The following FANCC variants were observed in gnomAD, a reference collection of about 807,000 sequenced individuals.
The protein encoded by FANCC is Fanconi anemia group C protein.
A neutral mutation model predicts 71.3 loss-of-function variants in FANCC; 55 were observed. The observed-to-expected ratio is 0.77, with a 90% CI of 0.62 to 0.97. FANCC has a LOEUF of 0.97. Among genes scored for constraint, FANCC ranks in the 50% least tolerant of loss-of-function variants. The pLI, the probability that FANCC is intolerant of heterozygous loss-of-function variation, is 0.00. For synonymous variants in FANCC, 275 were observed against 244.9 expected, an observed-to-expected ratio of 1.12 and a Z score of -1.15; for missense variants, 678 against 670.9, an observed-to-expected ratio of 1.01 and a Z score of -0.12.
At chr9:95,222,927 T>G (rs1344364578) in intron 4 of FANCC, among the ~76,000 whole-genome samples, 1 of 152,232 alleles carries the variant, frequency 6.6e-6, no homozygotes, top group African/African-American at 2.4e-5. Context: ...CCATACAATA[T>G]TTCATCAAGT....
intron 4 of FANCC, among the ~76,000 whole-genome samples, chr9:95,216,743 G>A (rs1167466157): frequency 6.6e-6 from 1 of 152,116 alleles, no homozygotes; most frequent in Non-Finnish European, 1.5e-5. Context: ...TATTTATCTA[G>A]GACTCTCTGC....
At chr9:95,298,476 C>T (rs1245885274) in intron 1 of FANCC, among the ~76,000 whole-genome samples, 1 of 152,110 alleles carries the variant, frequency 6.6e-6, no homozygotes, top group East Asian at 1.9e-4. Context: ...GATGTAGAAA[C>T]ATCAACAGAG....
intron 14 of FANCC, among the ~76,000 whole-genome samples, chr9:95,105,633 G>C (rs1027536552): frequency 2.0e-5 from 3 of 152,052 alleles, no homozygotes; most frequent in Non-Finnish European, 4.4e-5. Flanking sequence ...CCCTTTCCAT[G>C]ATCCCCACAC....
At chr9:95,227,634 C>A (rs1829704201) in intron 4 of FANCC, among the ~76,000 whole-genome samples, 1 of 152,186 alleles carries the variant, frequency 6.6e-6, no homozygotes, top group Non-Finnish European at 1.5e-5. Flanking sequence ...AACAAAGAAG[C>A]CACCATCTGA....
At chr9:95,239,235 C>T (rs1463208345) in intron 4 of FANCC, among the ~76,000 whole-genome samples, 1 of 152,208 alleles carries the variant, frequency 6.6e-6, no homozygotes, top group African/African-American at 2.4e-5. Flanking sequence ...TTAGCAATAA[C>T]TCAACCACGC....
At chr9:95,278,794 A>ATTAAACGAGCATAAGTCTGAAAC (rs141077292) in intron 1 of FANCC, among the ~76,000 whole-genome samples, 5 of 151,730 alleles carry the variant, frequency 3.3e-5, no homozygotes, top group Non-Finnish European at 5.9e-5. Flanking sequence ...TATCACGGTA[A>ATTAAACGAGCATAAGTCTGAAAC]TTATTCTACG....
chr9:95,164,315 T>C (rs988635070), intron 6 of FANCC, among the ~76,000 whole-genome samples: 1 of 152,204 alleles, frequency 6.6e-6, no homozygotes, highest in Non-Finnish European at 1.5e-5. Context: ...GACAAGGACT[T>C]CTGATACTAT....
intron 12 of FANCC, 48 bp from the exon 13 acceptor site, chr9:95,111,685 T>C: frequency 1.2e-6 from 2 of 1,611,672 alleles, no homozygotes; most frequent in South Asian, 1.1e-5. Context: ...AAATTCTTCT[T>C]CCTTTGGGTT....
intron 4 of FANCC, among the ~76,000 whole-genome samples, chr9:95,234,872 T>C (rs1300970398): frequency 6.6e-6 from 1 of 152,154 alleles, no homozygotes; most frequent in Non-Finnish European, 1.5e-5. Flanking sequence ...AAGGACAATG[T>C]CTCAGTTTAA....
intron 1 of FANCC, among the ~76,000 whole-genome samples, chr9:95,285,692 G>A (rs765981279): frequency 1.3e-4 from 19 of 151,968 alleles, no homozygotes; most frequent in Non-Finnish European, 2.2e-4. Context: ...AAAATTCCCA[G>A]TACTGGCAAG....
intron 14 of FANCC, among the ~76,000 whole-genome samples, chr9:95,105,050 A>G (rs1467363480): frequency 6.6e-6 from 1 of 152,220 alleles, no homozygotes. Flanking sequence ...TCTCGAAAGC[A>G]TTCTCGCTGT....
intron 4 of FANCC, among the ~76,000 whole-genome samples, chr9:95,219,037 T>C (rs1364241791): frequency 6.6e-6 from 1 of 152,196 alleles, no homozygotes; most frequent in Non-Finnish European, 1.5e-5. Context: ...TTCTCCCTCA[T>C]TACAGAGAAA....
rs1312721197 is a variant in FANCC, at chr9:95,099,330, T to G, written c.*2377A>C. On this transcript the variant is annotated 3_prime_UTR_variant, in exon 15 of 15. Transcript: ENST00000289081. ...CCTGTCGCACCTCTGAAGACCTTGGTCCAGTTCCTTCCAGGGTGGCTTCAC... is the reference window on the plus strand; with the variant it reads ...CCTGTCGCACCTCTGAAGACCTTGGGCCAGTTCCTTCCAGGGTGGCTTCAC... The G allele has an allele frequency of 4.4e-6, 1 of 226,734 alleles. No individual in the cohort carries two copies. The highest frequency in any genetic ancestry group is 8.8e-6 in the Non-Finnish European group (1 of 114,218). The allele number at this position is 226,734 out of a possible 1,614,324, so 14.0% of individuals were successfully genotyped here. A position where few individuals can be genotyped will look rare whatever the true frequency, so the allele number is the denominator to read the frequency against.
At chr9:95,261,616 C>G (rs1296085453) in intron 1 of FANCC, among the ~76,000 whole-genome samples, 1 of 152,128 alleles carries the variant, frequency 6.6e-6, no homozygotes, top group Non-Finnish European at 1.5e-5. Context: ...TTACCCAGTC[C>G]CTAAGGAATC....
intron 3 of FANCC, among the ~76,000 whole-genome samples, chr9:95,241,550 C>A (rs1423494698): frequency 6.6e-6 from 1 of 152,146 alleles, no homozygotes; most frequent in Non-Finnish European, 1.5e-5. Context: ...AGTACCCGAG[C>A]TAGGGCAAAG....
intron 1 of FANCC, chr9:95,294,068 C>T: frequency 6.2e-7 from 1 of 1,609,978 alleles, no homozygotes; most frequent in Non-Finnish European, 8.5e-7. Flanking sequence ...ATGCTTCCTT[C>T]ACAGAACATG....
intron 4 of FANCC, among the ~76,000 whole-genome samples, chr9:95,225,065 C>A (rs1829527865): frequency 6.6e-6 from 1 of 152,128 alleles, no homozygotes; most frequent in Admixed American, 6.5e-5. Context: ...GTATAATAAT[C>A]TCTAGGTCAA....
intron 4 of FANCC, among the ~76,000 whole-genome samples, chr9:95,230,472 G>A (rs1321433160): frequency 9.9e-5 from 15 of 152,034 alleles, no homozygotes; most frequent in South Asian, 2.1e-4. Context: ...GTGGGTTCTC[G>A]GTCTCGCTGA....
chr9:95,258,663 C>G (rs1831822430), intron 1 of FANCC, among the ~76,000 whole-genome samples: 1 of 152,174 alleles, frequency 6.6e-6, no homozygotes, highest in South Asian at 2.1e-4. Flanking sequence ...CACTCCTGTT[C>G]AACATAGTAT....
Sources: allele counts gnomAD v4.1 joint callset (sites outside exome capture counted in the v4.1 genomes callset), GRCh38; gene constraint gnomAD v4.1.1; transcripts MANE v1.5; gene names NCBI Gene and HGNC (gene_info 2026-07-23, HGNC 2026-07-21).